CDH12: variants seen among roughly 807,000 people sequenced by gnomAD.
CDH12 encodes cadherin 12, also known as cadherin-12.
CDH12 carries 41 observed loss-of-function variants against 74.1 expected under a neutral mutation model. That is an observed-to-expected ratio of 0.55 (90% CI 0.43 to 0.72). The LOEUF (loss-of-function observed/expected upper bound fraction) is 0.72, where lower values mean the gene tolerates loss of function less well. Among genes scored for constraint, CDH12 ranks in the 30% least tolerant of loss-of-function variants. CDH12 has a pLI of 0.00. For missense variants in CDH12, 945 were observed against 977.2 expected, an observed-to-expected ratio of 0.97 and a Z score of 0.44; for synonymous variants, 399 against 355.0, an observed-to-expected ratio of 1.12 and a Z score of -1.39.
chr5:21,965,045 C>T (rs1447554308), intron 6 of CDH12, among the ~76,000 whole-genome samples: 1 of 151,954 alleles, frequency 6.6e-6, no homozygotes, highest in South Asian at 2.1e-4. Flanking sequence ...TAAACATACT[C>T]ATAGGAGTGA....
Position 21,751,958 on chromosome 5 carries a change from G to A in CDH12, c.2164C>T (p.Gln722Ter). Residue 722 changes from glutamine to a stop codon, truncating the protein, a stop_gained, in exon 15 of 15, where the codon CAG becomes TAG. Transcript: ENST00000382254. LOFTEE classifies it high-confidence loss of function. ...DIRDFIHQRL[Q>*]ENDVDPTAPP... The stretch of plus-strand genomic sequence containing the variant: ...GCAGTTGGATCCACATCATTTTCCT[G>A]TAGCCTTTGATGAATGAAATCCCTT... 1 of 1,614,026 alleles carries A rather than the reference G, an allele frequency of 6.2e-7. No individual in the cohort carries two copies. The highest frequency in any genetic ancestry group is 8.5e-7 in the Non-Finnish European group (1 of 1,179,976).
Position 21,755,683 on chromosome 5 carries a change from A to T in CDH12, c.1793T>A (p.Ile598Asn). The T allele has an allele frequency of 6.2e-7, 1 of 1,614,154 alleles. No individual in the cohort carries two copies. Among genetic ancestry groups the T allele is most frequent in the Non-Finnish European group, 8.5e-7 (1 of 1,180,004 alleles). Residue 598 changes from isoleucine to asparagine, a missense_variant, in exon 14 of 15, where the codon ATC (isoleucine) becomes AAC (asparagine). By Grantham distance (149) the Ile-to-Asn change is moderately radical (BLOSUM62 -3). This residue lies in a region of CDH12 where 791 missense variants were observed against 792.8 expected (regional missense o/e 1.00). Transcript: ENST00000382254. ...AATTGCTTCCACATTACAAGACAGG[A>T]TGGTGCCATCAGAGTCACATCTACA... The part of the protein sequence containing the change: ...RVCRCDSDGT[I>N]LSCNVEAIFL...
rs1445099096 is a variant in CDH12 at position 22,058,181 on chromosome 5, C to T, written c.231+20265G>A. Among the ~76,000 whole-genome samples the T allele has an allele frequency of 7.2e-5, 11 of 152,140 alleles. No homozygotes were observed. In the East Asian group the frequency reaches 1.6e-3, roughly 21 times the overall value. On this transcript the variant is annotated intron_variant, in intron 5 of 14. Transcript: ENST00000382254. The stretch of plus-strand genomic sequence containing the variant: ...AAGCAATTCTCCTGCTTCAGCCTCC[C>T]GAGTAGCTGGGATTACAGGCACACG...
At chr5:22,379,172 T>C (rs1741657389) in intron 3 of CDH12, among the ~76,000 whole-genome samples, 1 of 152,160 alleles carries the variant, frequency 6.6e-6, no homozygotes, top group Non-Finnish European at 1.5e-5. Flanking sequence ...ACTACTTTTC[T>C]GCATTTTAAG....
intron 3 of CDH12, among the ~76,000 whole-genome samples, chr5:22,269,030 C>A (rs1736261828): frequency 6.6e-6 from 1 of 152,026 alleles, no homozygotes; most frequent in South Asian, 2.1e-4. Context: ...TGAACCTGGA[C>A]AAATTTGCTC....
chr5:22,236,457 G>C (rs1752561437), intron 3 of CDH12, among the ~76,000 whole-genome samples: 1 of 152,068 alleles, frequency 6.6e-6, no homozygotes, highest in African/African-American at 2.4e-5. Flanking sequence ...ACAAGGCCAG[G>C]CACGGTGGCT....
chr5:22,718,148 A>T (rs528189162), intron 1 of CDH12, among the ~76,000 whole-genome samples: 134 of 152,360 alleles, frequency 8.8e-4, no homozygotes, highest in Non-Finnish European at 5.6e-4. Context: ...ATTTCCTGAA[A>T]AGAACATCAG....
intron 1 of CDH12, among the ~76,000 whole-genome samples, chr5:22,575,780 G>T (rs572637868): frequency 6.6e-6 from 1 of 152,028 alleles, no homozygotes; most frequent in African/African-American, 2.4e-5. Flanking sequence ...GGCCAGACTG[G>T]TCTTGAACAC....
At chr5:22,435,266 C>A (rs1271795220) in intron 2 of CDH12, among the ~76,000 whole-genome samples, 3 of 152,078 alleles carry the variant, frequency 2.0e-5, no homozygotes, top group African/African-American at 7.2e-5. Flanking sequence ...ATGCTTCCTG[C>A]CCTCGAACAT....
At chr5:22,401,071 C>T (rs1024279114) in intron 3 of CDH12, among the ~76,000 whole-genome samples, 3 of 152,116 alleles carry the variant, frequency 2.0e-5, no homozygotes, top group African/African-American at 7.2e-5. Flanking sequence ...CTGCATTCTT[C>T]GTTATTTTAG....
At chr5:22,516,781 C>T (rs4320220) in intron 1 of CDH12, among the ~76,000 whole-genome samples, 18,817 of 151,590 alleles carry the variant, frequency 0.12, 1,184 homozygotes, top group South Asian at 0.16. Context: ...AGGGACAGAG[C>T]GAGACCTTGT....
intron 10 of CDH12, among the ~76,000 whole-genome samples, chr5:21,785,647 C>A (rs1234598906): frequency 6.6e-6 from 1 of 152,140 alleles, no homozygotes; most frequent in Non-Finnish European, 1.5e-5. Context: ...AAGTCTAACC[C>A]AGAATATAGC....
intron 5 of CDH12, among the ~76,000 whole-genome samples, chr5:22,051,799 G>T (rs142161455): frequency 1.6e-3 from 243 of 151,564 alleles, no homozygotes; most frequent in African/African-American, 5.8e-3. Flanking sequence ...GGAGTGAAAA[G>T]ATTGAGAAAA....
At chr5:22,749,556 T>C (rs771874385) in intron 1 of CDH12, among the ~76,000 whole-genome samples, 10 of 152,206 alleles carry the variant, frequency 6.6e-5, no homozygotes, top group Non-Finnish European at 8.8e-5. Context: ...ATAACTTATA[T>C]ATTTCTAAAA....
chr5:22,019,613 G>C (rs1420507155), intron 5 of CDH12, among the ~76,000 whole-genome samples: 1 of 152,142 alleles, frequency 6.6e-6, no homozygotes, highest in Non-Finnish European at 1.5e-5. Context: ...TGCAGGCCAG[G>C]AAAAGGGCCC....
intron 1 of CDH12, among the ~76,000 whole-genome samples, chr5:22,613,976 A>T (rs1032044167): frequency 6.6e-6 from 1 of 152,140 alleles, no homozygotes; most frequent in Non-Finnish European, 1.5e-5. Flanking sequence ...TAAAGCAGAC[A>T]TATATGAAGT....
At chr5:22,806,650 G>A (rs1343680685) in intron 1 of CDH12, among the ~76,000 whole-genome samples, 2 of 151,924 alleles carry the variant, frequency 1.3e-5, no homozygotes, top group African/African-American at 4.8e-5. Flanking sequence ...CACCGCGCCC[G>A]GCCTAATGAT....
intron 6 of CDH12, among the ~76,000 whole-genome samples, chr5:21,936,567 G>C (rs1469949362): frequency 6.6e-6 from 1 of 152,140 alleles, no homozygotes. Flanking sequence ...GATAAGCACT[G>C]TCATAGAGGT....
intron 3 of CDH12, among the ~76,000 whole-genome samples, chr5:22,228,897 G>A (rs1462669941): frequency 6.6e-6 from 1 of 151,924 alleles, no homozygotes; most frequent in African/African-American, 2.4e-5. Context: ...AGCACTTTTT[G>A]TTTCACTACA....
Sources: allele counts gnomAD v4.1 joint callset (sites outside exome capture counted in the v4.1 genomes callset), GRCh38; gene constraint gnomAD v4.1.1; regional missense constraint gnomAD v4.1.1; transcripts MANE v1.5; gene names NCBI Gene and HGNC (gene_info 2026-07-23, HGNC 2026-07-21).